The following PCBP3 variants were observed in gnomAD, a reference collection of about 807,000 sequenced individuals.
PCBP3 encodes poly(rC)-binding protein 3.
Under a neutral mutation model 52.7 loss-of-function variants are expected in PCBP3, and 25 were observed. The observed-to-expected ratio is 0.47, with a 90% confidence interval of 0.35 to 0.66. The LOEUF is 0.66. Among genes scored for constraint, PCBP3 ranks in the 30% least tolerant of loss-of-function variants. PCBP3 has a pLI of 0.01. For missense variants in PCBP3, 391 were observed against 490.3 expected (o/e 0.80, Z 1.91); for synonymous variants, 162 against 183.0 (o/e 0.89, Z 0.93).
At chr21:45,823,519 G>T (rs148909401) in intron 4 of PCBP3, among the ~76,000 whole-genome samples, 1 of 152,054 alleles carries the variant, frequency 6.6e-6, no homozygotes, top group Non-Finnish European at 1.5e-5. Context: ...ACGCGTGTCC[G>T]TTCTTCTGAG....
intron 2 of PCBP3, among the ~76,000 whole-genome samples, chr21:45,729,621 A>G (rs1362900465): frequency 6.6e-6 from 1 of 152,008 alleles, no homozygotes; most frequent in Non-Finnish European, 1.5e-5. Context: ...GGTTTGACCT[A>G]ATTGTCTTCA....
intron 4 of PCBP3, among the ~76,000 whole-genome samples, chr21:45,824,218 C>T (rs1034892319): frequency 2.0e-5 from 3 of 152,208 alleles, no homozygotes; most frequent in Non-Finnish European, 2.9e-5. Context: ...TCATTTCTCT[C>T]GGACACTCAG....
intron 4 of PCBP3, among the ~76,000 whole-genome samples, chr21:45,844,009 A>G (rs563690185): frequency 6.6e-6 from 1 of 151,944 alleles, no homozygotes; most frequent in Non-Finnish European, 1.5e-5. Flanking sequence ...GGGGCCTGTG[A>G]CCTCTGACCT....
intron 4 of PCBP3, among the ~76,000 whole-genome samples, chr21:45,842,450 G>A (rs2877094): frequency 0.83 from 125,889 of 152,176 alleles, 52,330 homozygotes; most frequent in East Asian, 0.93. Context: ...AGGCTTTTTT[G>A]GAAACTTGGT....
chr21:45,856,266 A>C (rs1569331372), intron 5 of PCBP3, among the ~76,000 whole-genome samples: 1 of 152,234 alleles, frequency 6.6e-6, no homozygotes, highest in Non-Finnish European at 1.5e-5. Context: ...TTTCATCCAC[A>C]TAATAAGGAC....
chr21:45,711,971 A>G (rs967393385), intron 2 of PCBP3, among the ~76,000 whole-genome samples: 1 of 152,180 alleles, frequency 6.6e-6, no homozygotes, highest in African/African-American at 2.4e-5. Flanking sequence ...TGATCTGTCA[A>G]CCATCTCTAT....
chr21:45,899,764 C>A (rs1230646974), intron 7 of PCBP3, 142 bp downstream of exon 7: 2 of 651,444 alleles, frequency 3.1e-6, no homozygotes, highest in Non-Finnish European at 5.5e-6. Context: ...GAAGACAGGA[C>A]CCCAGAGGTG....
At chr21:45,705,480 T>G (rs1467532577) in intron 2 of PCBP3, among the ~76,000 whole-genome samples, 2 of 151,982 alleles carry the variant, frequency 1.3e-5, no homozygotes, top group African/African-American at 4.8e-5. Flanking sequence ...CCCTGGGGAG[T>G]CTAGCAATTG....
chr21:45,694,831 A>G (rs1362458039), intron 2 of PCBP3, among the ~76,000 whole-genome samples: 1 of 152,248 alleles, frequency 6.6e-6, no homozygotes, highest in Non-Finnish European at 1.5e-5. Flanking sequence ...GGAATAAATC[A>G]TATTATTTGA....
At chr21:45,840,154 G>A (rs188582370) in intron 4 of PCBP3, among the ~76,000 whole-genome samples, 1 of 151,710 alleles carries the variant, frequency 6.6e-6, no homozygotes, top group Non-Finnish European at 1.5e-5. Flanking sequence ...AGTTTATAGA[G>A]TAAAAATGTT....
chr21:45,909,309 C>G (rs2096280238), intron 9 of PCBP3, 46 bp from the exon 10 acceptor site: 1 of 1,589,160 alleles, frequency 6.3e-7, no homozygotes, highest in Non-Finnish European at 8.6e-7. Context: ...TGCTTTCTCA[C>G]TGCACGACGC....
intron 4 of PCBP3, among the ~76,000 whole-genome samples, chr21:45,844,303 C>A (rs746984365): frequency 6.6e-6 from 1 of 152,060 alleles, no homozygotes; most frequent in Non-Finnish European, 1.5e-5. Context: ...AGCATAGACA[C>A]GTTGGGTGGG....
intron 4 of PCBP3, among the ~76,000 whole-genome samples, chr21:45,812,025 T>C (rs2147061147): frequency 6.6e-6 from 1 of 152,360 alleles, no homozygotes; most frequent in East Asian, 1.9e-4. Flanking sequence ...TTTTTGTTGT[T>C]TTAAAAATTT....
chr21:45,939,997 T>C, intron 16 of PCBP3, 33 bp from the exon 17 acceptor site: 4 of 1,601,010 alleles, frequency 2.5e-6, no homozygotes, highest in Non-Finnish European at 3.4e-6. Context: ...GCTTGGGCTG[T>C]TCTCTAAGAA....
At chr21:45,686,305 C>A (rs147452818) in intron 2 of PCBP3, among the ~76,000 whole-genome samples, 296 of 152,188 alleles carry the variant, frequency 1.9e-3, no homozygotes, top group Middle Eastern at 0.017. Context: ...TCCTGAACCA[C>A]CAAGGCAATC....
At chr21:45,700,937 G>A (rs976211674) in intron 2 of PCBP3, among the ~76,000 whole-genome samples, 4 of 152,074 alleles carry the variant, frequency 2.6e-5, no homozygotes, top group South Asian at 2.1e-4. Context: ...CCTTAGGAGC[G>A]AAAAATCATC....
intron 1 of PCBP3, among the ~76,000 whole-genome samples, chr21:45,661,708 T>C (rs2080402359): frequency 6.6e-6 from 1 of 152,242 alleles, no homozygotes; most frequent in Non-Finnish European, 1.5e-5. Flanking sequence ...GTTCTATTTC[T>C]ATTTTTAGTT....
intron 1 of PCBP3, among the ~76,000 whole-genome samples, chr21:45,658,090 A>G (rs2080136295): frequency 1.3e-5 from 2 of 152,018 alleles, no homozygotes; most frequent in South Asian, 2.1e-4. Flanking sequence ...TTCTATCCCT[A>G]TTTTGTTGAG....
At chr21:45,899,937 T>G (rs1290028211) in intron 7 of PCBP3, among the ~76,000 whole-genome samples, 1 of 152,090 alleles carries the variant, frequency 6.6e-6, no homozygotes, top group East Asian at 1.9e-4. Context: ...TTCTCACGCC[T>G]TCTTCAGCCG....
Sources: gnomAD v4.1 joint callset for allele counts (sites outside exome capture counted in the v4.1 genomes callset) on GRCh38, gnomAD v4.1.1 for gene constraint, MANE v1.5 for transcripts, NCBI Gene and HGNC (gene_info 2026-07-23, HGNC 2026-07-21) for gene names.